The following ZCWPW2 variants were observed in gnomAD, a reference collection of about 807,000 sequenced individuals.
The protein encoded by ZCWPW2 is zinc finger CW-type PWWP domain protein 2.
ZCWPW2 carries 45 observed loss-of-function variants against 46.6 expected under a neutral mutation model. The observed-to-expected ratio is 0.96, with a 90% CI of 0.76 to 1.24. The LOEUF (loss-of-function observed/expected upper bound fraction) is 1.24. ZCWPW2 is among the 50% of genes most tolerant of loss of function. The pLI is 0.00. For missense variants in ZCWPW2, 429 were observed against 403.9 expected (o/e 1.06, Z -0.53); for synonymous variants, 152 against 137.1 (o/e 1.11, Z -0.76).
chr3:28,390,646 T>C (rs1695450319), intron 2 of ZCWPW2, 29 bp downstream of exon 2: 1 of 985,296 alleles, frequency 1.0e-6, no homozygotes, highest in Non-Finnish European at 1.2e-6. Context: ...CCAAAATGTT[T>C]TTCTCTAGTA....
intron 1 of ZCWPW2, among the ~76,000 whole-genome samples, chr3:28,367,648 A>C (rs1174426612): frequency 1.3e-5 from 2 of 152,158 alleles, no homozygotes; most frequent in African/African-American, 2.4e-5. Flanking sequence ...AGTTCTGTAG[A>C]TGTCTATTAG....
In ZCWPW2 at chr3:28,396,174, C is replaced by G. The variant is rs137859435; in HGVS notation, c.-14+5557C>G. Among the ~76,000 whole-genome samples, 384 of 152,096 alleles carry G rather than the reference C, an allele frequency of 2.5e-3. 1 individual carries two copies. Among genetic ancestry groups the G allele is most frequent in the African/African-American group, 8.4e-3 (348 of 41,488 alleles). Reference sequence around the variant, plus strand: ...TTCAGAGATCATCTAGCCCTATTCTCTAATTACAGATAAGAACACAGAGGT... The same window carrying G: ...TTCAGAGATCATCTAGCCCTATTCTGTAATTACAGATAAGAACACAGAGGT... On this transcript the variant is annotated intron_variant, in intron 2 of 9. Transcript: ENST00000383768.
intron 9 of ZCWPW2, among the ~76,000 whole-genome samples, chr3:28,523,082 AAATACATAGCTTT>A (rs1331614597): frequency 6.6e-6 from 1 of 152,172 alleles, no homozygotes; most frequent in African/African-American, 2.4e-5. Flanking sequence ...TCTTAAGGTA[AAATACATAGCTTT>A]AACCCATCAC....
At chr3:28,504,226 T>G (rs1238680292) in intron 6 of ZCWPW2, among the ~76,000 whole-genome samples, 1 of 152,062 alleles carries the variant, frequency 6.6e-6, no homozygotes, top group African/African-American at 2.4e-5. Flanking sequence ...CAATAATTCT[T>G]TCACTTTGTT....
intron 2 of ZCWPW2, among the ~76,000 whole-genome samples, chr3:28,405,972 C>T (rs1696142068): frequency 6.6e-6 from 1 of 152,144 alleles, no homozygotes; most frequent in Non-Finnish European, 1.5e-5. Flanking sequence ...GGAGGAAAGG[C>T]CATCCTTGTT....
chr3:28,497,333 T>C (rs1035428894), intron 6 of ZCWPW2, among the ~76,000 whole-genome samples: 1 of 151,888 alleles, frequency 6.6e-6, no homozygotes, highest in Admixed American at 6.6e-5. Flanking sequence ...CTCTATAGAT[T>C]TAAATACTTT....
intron 6 of ZCWPW2, among the ~76,000 whole-genome samples, chr3:28,495,384 T>C (rs1198917011): frequency 6.6e-6 from 1 of 152,140 alleles, no homozygotes; most frequent in Admixed American, 6.6e-5. Flanking sequence ...TGGATAGGTT[T>C]ATTTCAATCT....
chr3:28,523,010 C>T (rs1210165014), intron 9 of ZCWPW2, among the ~76,000 whole-genome samples: 2 of 152,140 alleles, frequency 1.3e-5, no homozygotes, highest in Non-Finnish European at 2.9e-5. Flanking sequence ...ACAGAATTGA[C>T]TTCTGTTTTG....
intron 2 of ZCWPW2, among the ~76,000 whole-genome samples, chr3:28,405,812 A>G (rs1696134346): frequency 1.3e-5 from 2 of 152,168 alleles, no homozygotes; most frequent in African/African-American, 4.8e-5. Context: ...GGGCCCAGAA[A>G]GAAAAGAGGA....
At chr3:28,440,447 C>T (rs1027766341) in intron 4 of ZCWPW2, among the ~76,000 whole-genome samples, 1 of 152,152 alleles carries the variant, frequency 6.6e-6, no homozygotes, top group African/African-American at 2.4e-5. Context: ...CCATTTCTAC[C>T]TCTTGATTCC....
At chr3:28,413,009 T>A in intron 2 of ZCWPW2, 47 bp from the exon 3 acceptor site, 1 of 1,475,628 alleles carries the variant, frequency 6.8e-7, no homozygotes, top group Admixed American at 2.0e-5. Context: ...TCTCTCCTTA[T>A]ACTCTTGAAT....
At chr3:28,381,024 G>T (rs1163752616) in intron 1 of ZCWPW2, among the ~76,000 whole-genome samples, 40 of 2,614 alleles carry the variant, frequency 0.015, no homozygotes, top group Admixed American at 0.024. Context: ...ATATATATTT[G>T]GTATATATAT....
At chr3:28,383,331 T>C (rs1695164050) in intron 1 of ZCWPW2, among the ~76,000 whole-genome samples, 1 of 152,058 alleles carries the variant, frequency 6.6e-6, no homozygotes, top group Non-Finnish European at 1.5e-5. Flanking sequence ...AACATGCAAG[T>C]CTTAAATATG....
chr3:28,374,855 A>G (rs1045088124), intron 1 of ZCWPW2, among the ~76,000 whole-genome samples: 6 of 152,020 alleles, frequency 3.9e-5, no homozygotes, highest in African/African-American at 1.2e-4. Context: ...TTTGCTTAAC[A>G]GGTTTTCGTT....
chr3:28,404,792 C>T (rs553368827), intron 2 of ZCWPW2, among the ~76,000 whole-genome samples: 4 of 152,256 alleles, frequency 2.6e-5, no homozygotes, highest in African/African-American at 9.6e-5. Context: ...GAAAACCAAA[C>T]GTCATATTCC....
intron 4 of ZCWPW2, among the ~76,000 whole-genome samples, chr3:28,454,001 C>T (rs1043203278): frequency 2.0e-5 from 3 of 151,496 alleles, no homozygotes; most frequent in Non-Finnish European, 3.0e-5. Flanking sequence ...CCCGCCACCA[C>T]GCCCGGCTAA....
intron 6 of ZCWPW2, among the ~76,000 whole-genome samples, chr3:28,512,875 T>G (rs1700466132): frequency 6.6e-6 from 1 of 151,648 alleles, no homozygotes; most frequent in African/African-American, 2.4e-5. Flanking sequence ...TTTTAACCCT[T>G]TAATAACTTA....
intron 1 of ZCWPW2, among the ~76,000 whole-genome samples, chr3:28,370,324 A>C (rs530562643): frequency 6.6e-6 from 1 of 152,366 alleles, no homozygotes; most frequent in South Asian, 2.1e-4. Flanking sequence ...TCATTGTCGC[A>C]TAACAACCCT....
chr3:28,486,693 G>A (rs1163891461), intron 5 of ZCWPW2, among the ~76,000 whole-genome samples: 2 of 151,988 alleles, frequency 1.3e-5, no homozygotes, highest in African/African-American at 2.4e-5. Flanking sequence ...TGGGCAACAC[G>A]GTGAGATTCC....
Sources: gnomAD v4.1 joint callset for allele counts (sites outside exome capture counted in the v4.1 genomes callset) on GRCh38, gnomAD v4.1.1 for gene constraint, MANE v1.5 for transcripts, NCBI Gene and HGNC (gene_info 2026-07-23, HGNC 2026-07-21) for gene names.